RNF150: variants seen among roughly 807,000 people sequenced by gnomAD.
RNF150 encodes ring finger protein 150.
RNF150 carries 24 observed loss-of-function variants against 39.3 expected under a neutral mutation model. That is an observed-to-expected ratio of 0.61 (90% CI 0.44 to 0.86). The LOEUF (loss-of-function observed/expected upper bound fraction) is 0.86. Among genes scored for constraint, RNF150 ranks in the 40% least tolerant of loss-of-function variants. The pLI is 0.00. For missense variants in RNF150, 502 were observed against 587.8 expected (o/e 0.85, Z 1.51); for synonymous variants, 255 against 227.3 (o/e 1.12, Z -1.10).
chr4:141,027,167 T>C (rs1403456543), intron 1 of RNF150, among the ~76,000 whole-genome samples: 3 of 152,094 alleles, frequency 2.0e-5, no homozygotes, highest in African/African-American at 4.8e-5. Flanking sequence ...CACAGACAAC[T>C]GAAGAAGGAA....
chr4:141,124,303 C>T (rs1726693846), intron 1 of RNF150, among the ~76,000 whole-genome samples: 1 of 152,234 alleles, frequency 6.6e-6, no homozygotes, highest in South Asian at 2.1e-4. Context: ...AGACAATAAA[C>T]ATGTTAATGG....
intron 1 of RNF150, among the ~76,000 whole-genome samples, chr4:141,201,952 T>A (rs1458621252): frequency 6.6e-6 from 1 of 152,122 alleles, no homozygotes; most frequent in Non-Finnish European, 1.5e-5. Context: ...TGAATGGGAT[T>A]AATGCCCTTA....
intron 5 of RNF150, among the ~76,000 whole-genome samples, chr4:140,923,891 T>G (rs7686712): frequency 2.6e-5 from 4 of 151,446 alleles, no homozygotes; most frequent in African/African-American, 7.3e-5. Flanking sequence ...AAACACAGCA[T>G]GTTCTCACTC....
At chr4:141,147,187 G>A (rs1727219358) in intron 1 of RNF150, among the ~76,000 whole-genome samples, 1 of 152,194 alleles carries the variant, frequency 6.6e-6, no homozygotes, top group Non-Finnish European at 1.5e-5. Context: ...TGTTTGTTAT[G>A]ATAAGTAATA....
chr4:140,981,742 T>C (rs1023145714), intron 1 of RNF150, among the ~76,000 whole-genome samples: 1 of 152,174 alleles, frequency 6.6e-6, no homozygotes, highest in Admixed American at 6.5e-5. Context: ...AAGGTTATAG[T>C]GCATTGTATT....
intron 6 of RNF150, among the ~76,000 whole-genome samples, chr4:140,881,233 G>A (rs1729362996): frequency 6.6e-6 from 1 of 151,422 alleles, no homozygotes; most frequent in African/African-American, 2.4e-5. Context: ...CATGATCTTG[G>A]CTCACTGCAG....
chr4:141,003,378 C>G (rs974692873), intron 1 of RNF150, among the ~76,000 whole-genome samples: 1 of 152,164 alleles, frequency 6.6e-6, no homozygotes, highest in Admixed American at 6.5e-5. Context: ...AACTACAACC[C>G]TTGCACACAA....
chr4:141,169,659 G>C (rs1727665913), intron 1 of RNF150, among the ~76,000 whole-genome samples: 1 of 152,070 alleles, frequency 6.6e-6, no homozygotes, highest in Non-Finnish European at 1.5e-5. Context: ...CTTCAGGCTT[G>C]AGTTCACTTC....
At chr4:140,998,883 A>G (rs11726692) in intron 1 of RNF150, among the ~76,000 whole-genome samples, 23,856 of 151,684 alleles carry the variant, frequency 0.16, 2,272 homozygotes, top group East Asian at 0.38. Context: ...CCAAGAGTCA[A>G]GTTAGCTTCC....
intron 5 of RNF150, among the ~76,000 whole-genome samples, chr4:140,922,562 T>A (rs1383652042): frequency 4.0e-5 from 6 of 151,686 alleles, no homozygotes; most frequent in Non-Finnish European, 7.4e-5. Context: ...ATTTATAGAT[T>A]CAATGCCATC....
chr4:141,012,960 G>T (rs929433119), intron 1 of RNF150, among the ~76,000 whole-genome samples: 1 of 152,020 alleles, frequency 6.6e-6, no homozygotes, highest in South Asian at 2.1e-4. Context: ...ATTTTCATCA[G>T]TCCTAGAAAA....
chr4:141,090,173 G>A (rs1216865238), intron 1 of RNF150, among the ~76,000 whole-genome samples: 3 of 152,192 alleles, frequency 2.0e-5, no homozygotes, highest in Non-Finnish European at 2.9e-5. Context: ...CTTGAAGATA[G>A]AGGAGGAAGA....
chr4:141,042,330 A>G (rs541999451), intron 1 of RNF150, among the ~76,000 whole-genome samples: 51 of 152,228 alleles, frequency 3.4e-4, no homozygotes, highest in South Asian at 2.5e-3. Context: ...AATTTAAATA[A>G]AGGGCAAATC....
chr4:141,175,328 G>A (rs1206416135), intron 1 of RNF150, among the ~76,000 whole-genome samples: 3 of 152,052 alleles, frequency 2.0e-5, no homozygotes, highest in East Asian at 3.8e-4. Flanking sequence ...TAACAAAACC[G>A]AAAAATAAAA....
intron 1 of RNF150, among the ~76,000 whole-genome samples, chr4:141,119,201 T>A (rs758255568): frequency 1.3e-5 from 2 of 152,226 alleles, no homozygotes; most frequent in Non-Finnish European, 2.9e-5. Context: ...GCTCAAAAGG[T>A]CACAACCTGA....
intron 1 of RNF150, among the ~76,000 whole-genome samples, chr4:140,977,747 C>T (rs112810209): frequency 0.021 from 3,133 of 152,240 alleles, 44 homozygotes; most frequent in Middle Eastern, 0.051. Flanking sequence ...TTTGAATTCA[C>T]ATTCGAATTC....
At chr4:140,926,694 T>C (rs1475666585) in intron 4 of RNF150, among the ~76,000 whole-genome samples, 1 of 152,170 alleles carries the variant, frequency 6.6e-6, no homozygotes, top group Non-Finnish European at 1.5e-5. Context: ...CATGTGCCAA[T>C]CATTACTAGC....
At chr4:141,179,887 A>G (rs1363514611) in intron 1 of RNF150, among the ~76,000 whole-genome samples, 1 of 152,184 alleles carries the variant, frequency 6.6e-6, no homozygotes, top group African/African-American at 2.4e-5. Flanking sequence ...CCGCAGATGC[A>G]TACTTTAGCG....
At chr4:140,895,586 T>C (rs910496889) in intron 6 of RNF150, among the ~76,000 whole-genome samples, 6 of 152,208 alleles carry the variant, frequency 3.9e-5, no homozygotes, top group African/African-American at 9.7e-5. Flanking sequence ...GAACACATTG[T>C]CTATACTCTT....
Sources: allele counts gnomAD v4.1 joint callset (sites outside exome capture counted in the v4.1 genomes callset), GRCh38; gene constraint gnomAD v4.1.1; transcripts MANE v1.5; gene names NCBI Gene and HGNC (gene_info 2026-07-23, HGNC 2026-07-21).